IMMP1L: variants seen among roughly 807,000 people sequenced by gnomAD.
The protein encoded by IMMP1L is inner mitochondrial membrane peptidase subunit 1.
IMMP1L carries 24 observed loss-of-function variants against 21.8 expected under a neutral mutation model. The observed-to-expected ratio is 1.10, with a 90% CI of 0.80 to 1.55. The LOEUF (loss-of-function observed/expected upper bound fraction) is 1.55, where lower values mean the gene tolerates loss of function less well. Ranked by LOEUF, IMMP1L falls within the 40% of genes most tolerant of loss-of-function variation. IMMP1L has a pLI of 0.00. For missense variants in IMMP1L, 195 were observed against 200.7 expected, an observed-to-expected ratio of 0.97 and a Z score of 0.17; for synonymous variants, 46 against 62.8, an observed-to-expected ratio of 0.73 and a Z score of 1.26.
rs1165474699 is a variant in IMMP1L, at chr11:31,460,566, A to G, written c.194+60T>C. ...AGATAAAGTTAAGGAACTGCAGAAAAGCCACAATGTGTGTGTGTATTTTCA... is the reference window on the plus strand; with the variant it reads ...AGATAAAGTTAAGGAACTGCAGAAAGGCCACAATGTGTGTGTGTATTTTCA... On this transcript the variant is annotated intron_variant, in intron 3 of 5. Coordinates refer to ENST00000532287, the MANE Select transcript of IMMP1L (RefSeq NM_001304274.2). 3.0e-6 allele frequency: 3 copies of G among 999,880 alleles called. No individual in the cohort carries two copies. In the South Asian group the frequency reaches 4.3e-5, roughly 14 times the overall value. The allele number at this position is 999,880 out of a possible 1,614,324, so 61.9% of individuals were successfully genotyped here. A position where few individuals can be genotyped will look rare whatever the true frequency, so the allele number is the denominator to read the frequency against.
intron 3 of IMMP1L, among the ~76,000 whole-genome samples, chr11:31,458,782 A>C (rs958733812): frequency 6.6e-6 from 1 of 152,218 alleles, no homozygotes; most frequent in Non-Finnish European, 1.5e-5. Flanking sequence ...ACCTGGATGA[A>C]TAGGGTACAA....
At chr11:31,501,855 G>T (rs1245219869) in intron 1 of IMMP1L, among the ~76,000 whole-genome samples, 1 of 151,718 alleles carries the variant, frequency 6.6e-6, no homozygotes, top group Non-Finnish European at 1.5e-5. Flanking sequence ...ACACATGCTT[G>T]TAACCCCAGC....
At chr11:31,488,262 T>G (rs1955147997) in intron 1 of IMMP1L, 1 of 152,166 alleles carries the variant, frequency 6.6e-6, no homozygotes, top group African/African-American at 2.4e-5. Flanking sequence ...AAATCAAAAT[T>G]ACATTAGTTG....
chr11:31,437,736 TC>T (rs1248035629), intron 4 of IMMP1L, among the ~76,000 whole-genome samples: 4 of 152,314 alleles, frequency 2.6e-5, no homozygotes, highest in Admixed American at 2.6e-4. Flanking sequence ...TTCCCTCTGT[TC>T]CTTTGCAGTC....
chr11:31,499,145 A>C (rs973521768), intron 1 of IMMP1L, among the ~76,000 whole-genome samples: 3 of 152,162 alleles, frequency 2.0e-5, no homozygotes, highest in African/African-American at 7.2e-5. Context: ...TGCACGGATC[A>C]CGAGGTCAGG....
At chr11:31,449,514 T>C (rs1193081981) in intron 4 of IMMP1L, among the ~76,000 whole-genome samples, 1 of 152,174 alleles carries the variant, frequency 6.6e-6, no homozygotes, top group African/African-American at 2.4e-5. Flanking sequence ...ACAGCTTTAT[T>C]ATTGCCATAT....
At chr11:31,494,222 A>G (rs1389619011) in intron 1 of IMMP1L, among the ~76,000 whole-genome samples, 1 of 152,172 alleles carries the variant, frequency 6.6e-6, no homozygotes, top group African/African-American at 2.4e-5. Flanking sequence ...ATTTCCATAT[A>G]TCCTCTGAAA....
chr11:31,498,748 T>C (rs907997108), intron 1 of IMMP1L, among the ~76,000 whole-genome samples: 1 of 152,178 alleles, frequency 6.6e-6, no homozygotes, highest in Non-Finnish European at 1.5e-5. Flanking sequence ...CTTACGAGCT[T>C]TCTGACCTAG....
At position 31,443,981 on chromosome 11, in the gene IMMP1L, G is replaced by A. The variant is rs554385036; in HGVS notation, c.322-10411C>T. On this transcript the variant is annotated intron_variant, in intron 4 of 5. Coordinates refer to ENST00000532287, the MANE Select transcript of IMMP1L (RefSeq NM_001304274.2). ...GGCTTGACTTGCTCATTCTCGTGGC[G>A]ATTGCAAGATAAGCTCTTTCATCTT... Among the ~76,000 whole-genome samples, 8 of 152,160 alleles carry A rather than the reference G, an allele frequency of 5.3e-5. No homozygotes were observed. In the East Asian group the frequency reaches 9.7e-4, roughly 18 times the overall value.
intron 4 of IMMP1L, among the ~76,000 whole-genome samples, chr11:31,442,657 A>T (rs192325274): frequency 4.7e-4 from 72 of 152,308 alleles, no homozygotes; most frequent in African/African-American, 1.7e-3. Flanking sequence ...TACTTCTTTA[A>T]TGGTTCTAAA....
chr11:31,485,417 G>A (rs549488565), intron 1 of IMMP1L, among the ~76,000 whole-genome samples: 58 of 151,918 alleles, frequency 3.8e-4, no homozygotes, highest in African/African-American at 1.3e-3. Context: ...CCCAAATAAG[G>A]ATACGCAACC....
intron 2 of IMMP1L, 50 bp downstream of exon 2, chr11:31,463,122 T>C: frequency 7.1e-7 from 1 of 1,408,766 alleles, no homozygotes; most frequent in South Asian, 1.4e-5. Flanking sequence ...TCCTTCCATT[T>C]GAAAGAAAGT....
chr11:31,469,581 G>C (rs1204225900), intron 1 of IMMP1L, among the ~76,000 whole-genome samples: 2 of 152,178 alleles, frequency 1.3e-5, no homozygotes, highest in Non-Finnish European at 2.9e-5. Flanking sequence ...AAAGAGGAAA[G>C]CAGGTAGGCA....
At chr11:31,457,045 T>C (rs750067394) in intron 3 of IMMP1L, among the ~76,000 whole-genome samples, 8 of 151,866 alleles carry the variant, frequency 5.3e-5, no homozygotes, top group Non-Finnish European at 8.8e-5. Flanking sequence ...TGATTGACTC[T>C]AGAGCACACT....
chr11:31,473,541 G>A (rs1410353381), intron 1 of IMMP1L, among the ~76,000 whole-genome samples: 1 of 152,122 alleles, frequency 6.6e-6, no homozygotes, highest in African/African-American at 2.4e-5. Context: ...ATAGGCATCT[G>A]GGAATAGAGA....
chr11:31,474,934 G>T (rs1954678598), intron 1 of IMMP1L, among the ~76,000 whole-genome samples: 1 of 152,126 alleles, frequency 6.6e-6, no homozygotes, highest in Non-Finnish European at 1.5e-5. Flanking sequence ...GAACCCGGCT[G>T]CAGATTCTAT....
chr11:31,454,108 T>C (rs1374707836), intron 4 of IMMP1L, among the ~76,000 whole-genome samples: 2 of 152,144 alleles, frequency 1.3e-5, no homozygotes, highest in Admixed American at 6.5e-5. Flanking sequence ...ATGGAGGAAG[T>C]ACAAAATAAG....
At chr11:31,508,258 A>G (rs1955850670) in intron 1 of IMMP1L, among the ~76,000 whole-genome samples, 1 of 152,216 alleles carries the variant, frequency 6.6e-6, no homozygotes, top group African/African-American at 2.4e-5. Flanking sequence ...ACTACAGGAT[A>G]AAATTAGCAC....
chr11:31,477,607 A>C, intron 1 of IMMP1L: 17 of 919,316 alleles, frequency 1.8e-5, no homozygotes, highest in South Asian at 1.0e-4. Context: ...ATTAGTTCTC[A>C]GTTGCTGCCA....
Sources: allele counts gnomAD v4.1 joint callset (sites outside exome capture counted in the v4.1 genomes callset), GRCh38; gene constraint gnomAD v4.1.1; transcripts MANE v1.5; gene names NCBI Gene and HGNC (gene_info 2026-07-23, HGNC 2026-07-21).